FBXO42: variants seen among roughly 807,000 people sequenced by gnomAD.
FBXO42 encodes the protein F-box only protein 42.
A neutral mutation model predicts 71.7 loss-of-function variants in FBXO42; 12 were observed. The observed-to-expected ratio is 0.17, with a 90% confidence interval of 0.11 to 0.27. The LOEUF (loss-of-function observed/expected upper bound fraction) is 0.27, where lower values mean the gene tolerates loss of function less well. FBXO42 is among the 10% of genes least tolerant of loss of function. The pLI is 1.00. For missense variants in FBXO42, 707 were observed against 911.9 expected, an observed-to-expected ratio of 0.78 and a Z score of 2.89; for synonymous variants, 325 against 327.5, an observed-to-expected ratio of 0.99 and a Z score of 0.08.
intron 8 of FBXO42, 81 bp downstream of exon 8, chr1:16,253,015 C>T (rs1319424304): frequency 2.4e-6 from 3 of 1,229,406 alleles, no homozygotes; most frequent in African/African-American, 1.5e-5. Flanking sequence ...GTCTTGTATA[C>T]TCCTAGAAAA....
At chr1:16,308,750 T>G (rs1569897785) in intron 2 of FBXO42, among the ~76,000 whole-genome samples, 1 of 143,428 alleles carries the variant, frequency 7.0e-6, no homozygotes, top group Admixed American at 7.0e-5. Context: ...GTTTTTTTTT[T>G]TTTTTTTTTT....
chr1:16,350,757 A>AGAAAAGAAAGAAAGAAAG (rs1553156684), intron 1 of FBXO42, among the ~76,000 whole-genome samples: 8 of 44,248 alleles, frequency 1.8e-4, no homozygotes, highest in South Asian at 1.0e-3. Context: ...AAAAAAAAAA[A>AGAAAAGAAAGAAAGAAAG]AAAGAAAGAA....
chr1:16,257,455 C>T (rs534149076), intron 4 of FBXO42, among the ~76,000 whole-genome samples: 1 of 152,236 alleles, frequency 6.6e-6, no homozygotes, highest in South Asian at 2.1e-4. Flanking sequence ...ACCATCTAGA[C>T]TGGACCTCTG....
chr1:16,306,776 G>T (rs1045292395), intron 2 of FBXO42, among the ~76,000 whole-genome samples: 8 of 152,114 alleles, frequency 5.3e-5, no homozygotes, highest in African/African-American at 1.9e-4. Flanking sequence ...TTAGCTCACT[G>T]CAATCTCTGC....
At chr1:16,259,948 C>T (rs904865492) in intron 4 of FBXO42, among the ~76,000 whole-genome samples, 29 of 152,122 alleles carry the variant, frequency 1.9e-4, no homozygotes, top group African/African-American at 5.5e-4. Context: ...ACATGTTGCC[C>T]GTGGTTATCA....
At chr1:16,316,246 C>T (rs2082364772) in intron 1 of FBXO42, among the ~76,000 whole-genome samples, 2 of 151,462 alleles carry the variant, frequency 1.3e-5, no homozygotes, top group African/African-American at 2.4e-5. Context: ...ATTCACTTAA[C>T]CTTTTTCCTG....
At chr1:16,274,417 G>A (rs1366715325) in intron 4 of FBXO42, among the ~76,000 whole-genome samples, 2 of 152,026 alleles carry the variant, frequency 1.3e-5, no homozygotes, top group African/African-American at 4.8e-5. Context: ...AGACAGGAAA[G>A]GGGCATGAGG....
chr1:16,280,145 C>G (rs1330566978), intron 4 of FBXO42, among the ~76,000 whole-genome samples: 2 of 152,104 alleles, frequency 1.3e-5, no homozygotes, highest in Non-Finnish European at 2.9e-5. Flanking sequence ...ACCACACCAG[C>G]CAACAATATG....
At chr1:16,316,683 C>A (rs895784610) in intron 1 of FBXO42, among the ~76,000 whole-genome samples, 9 of 131,752 alleles carry the variant, frequency 6.8e-5, no homozygotes, top group Non-Finnish European at 1.2e-4. Context: ...TGCAGTGAGT[C>A]GAGATCATGC....
At chr1:16,324,223 G>T (rs1028299301) in intron 1 of FBXO42, among the ~76,000 whole-genome samples, 4 of 152,080 alleles carry the variant, frequency 2.6e-5, no homozygotes, top group African/African-American at 9.7e-5. Context: ...TTTGCTATAT[G>T]TAAAAATACC....
chr1:16,347,340 A>T (rs2082661867), intron 1 of FBXO42, among the ~76,000 whole-genome samples: 1 of 151,332 alleles, frequency 6.6e-6, no homozygotes, highest in Non-Finnish European at 1.5e-5. Flanking sequence ...ACATGGTGAA[A>T]CCCCGTGTCT....
chr1:16,283,799 G>A (rs2081992163), intron 4 of FBXO42, among the ~76,000 whole-genome samples: 1 of 152,006 alleles, frequency 6.6e-6, no homozygotes, highest in Admixed American at 6.6e-5. Context: ...CTGGCCTGTG[G>A]CAAGTTTTAA....
At position 16,261,022 on chromosome 1, in the gene FBXO42, G is replaced by A. The variant is rs1317191913; in HGVS notation, c.503-4263C>T. Among the ~76,000 whole-genome samples the A allele has an allele frequency of 2.6e-5, 4 of 152,174 alleles. No individual in the cohort carries two copies. In the East Asian group the frequency reaches 7.7e-4, roughly 29 times the overall value. On this transcript the variant is annotated intron_variant, in intron 4 of 9. Transcript: ENST00000375592. ...TCACCTTAAAAGAATGAGCTTTAAA[G>A]TCAGAATATATCATGCTGCACTTCA... is the stretch of plus-strand genomic sequence containing the variant.
At chr1:16,335,523 T>G (rs2082544666) in intron 1 of FBXO42, among the ~76,000 whole-genome samples, 1 of 152,096 alleles carries the variant, frequency 6.6e-6, no homozygotes, top group Non-Finnish European at 1.5e-5. Context: ...TTCAATCTAT[T>G]CTTTATTTCG....
chr1:16,316,354 C>G (rs11804252), intron 1 of FBXO42, among the ~76,000 whole-genome samples: 3 of 151,600 alleles, frequency 2.0e-5, no homozygotes, highest in African/African-American at 7.3e-5. Flanking sequence ...GTTTTCACAT[C>G]GCTCTAGTAC....
At chr1:16,295,035 A>C (rs1422148132) in intron 3 of FBXO42, 118 bp from the exon 4 acceptor site, 1 of 1,195,004 alleles carries the variant, frequency 8.4e-7, no homozygotes, top group South Asian at 1.7e-5. Flanking sequence ...GTTACCAAGT[A>C]CCAAATTTCT....
At position 16,250,960 on chromosome 1, in the gene FBXO42, C is replaced by T; in HGVS notation, c.1864G>A (p.Gly622Ser). ...TTTAGGGACTGTGGAGGGTGGTGGC[C>T]CAGGCGGCGAGCAATGGGAGGTAAG... ...HSLPPIARRL[G>S]HHPPQSLNVG... Residue 622 changes from glycine to serine, a missense_variant, in exon 10 of 10, where the codon GGC becomes AGC. Gly to Ser is a moderately conservative substitution (Grantham distance 56). Around this residue, in one of 5 missense-constraint regions of FBXO42, gnomAD observed 482 missense variants for 587.1 expected, o/e 0.82. Coordinates refer to ENST00000375592, the MANE Select transcript of FBXO42 (RefSeq NM_018994.3). This position sits in a 1 kb window ranked among gnomAD's most constrained non-coding sequence, Gnocchi z 4.7. 6.2e-7 allele frequency: 1 copy of T among 1,614,108 alleles called. No homozygotes were observed. Among genetic ancestry groups the T allele is most frequent in the African/African-American group, 1.3e-5 (1 of 75,004 alleles).
At chr1:16,262,772 C>T (rs185013838) in intron 4 of FBXO42, among the ~76,000 whole-genome samples, 3 of 152,202 alleles carry the variant, frequency 2.0e-5, no homozygotes, top group Non-Finnish European at 2.9e-5. Context: ...GTGGCGTAAT[C>T]GATCTCAGCT....
chr1:16,265,196 G>A (rs373998485), intron 4 of FBXO42, among the ~76,000 whole-genome samples: 3 of 152,052 alleles, frequency 2.0e-5, no homozygotes, highest in Non-Finnish European at 2.9e-5. Context: ...CAGTTTCAAC[G>A]GATTCTCCTG....
Sources: allele counts gnomAD v4.1 joint callset (sites outside exome capture counted in the v4.1 genomes callset), GRCh38; gene constraint gnomAD v4.1.1; regional missense constraint gnomAD v4.1.1; non-coding constraint Gnocchi (gnomAD v3.1); transcripts MANE v1.5; gene names NCBI Gene and HGNC (gene_info 2026-07-23, HGNC 2026-07-21).